The following TMC5 variants were observed in gnomAD, a reference collection of about 807,000 sequenced individuals.
TMC5 encodes transmembrane channel-like protein 5.
TMC5 carries 86 observed loss-of-function variants against 110.5 expected under a neutral mutation model. The observed-to-expected ratio is 0.78, with a 90% CI of 0.65 to 0.93. The LOEUF (loss-of-function observed/expected upper bound fraction) is 0.93, where lower values mean the gene tolerates loss of function less well. Ranked by LOEUF, TMC5 falls within the 40% of genes least tolerant of loss-of-function variation. The pLI is 0.00. For missense variants in TMC5, 1,144 were observed against 1,222.8 expected (o/e 0.94, Z 0.96); for synonymous variants, 455 against 439.5 (o/e 1.04, Z -0.44).
Position 19,498,384 on chromosome 16 carries a change from C to T in TMC5, c.*418C>T, listed in dbSNP as rs148444697. On this transcript the variant is annotated 3_prime_UTR_variant, in exon 22 of 22. Coordinates refer to ENST00000542583, the MANE Select transcript of TMC5 (RefSeq NM_001261841.2). Reference sequence around the variant, plus strand: ...AGAAAAGTGGTCCATCCTGAATAAACATGTAATACTCCAGCAGGGATATGA... The same window carrying T: ...AGAAAAGTGGTCCATCCTGAATAAATATGTAATACTCCAGCAGGGATATGA... 18 of 184,572 alleles carry T rather than the reference C, an allele frequency of 9.8e-5. No homozygotes were observed. The East Asian group carries it at 3.2e-3, about 32-fold the overall frequency. The allele number at this position is 184,572 out of a possible 1,614,324, so 11.4% of individuals were successfully genotyped here.
upstream of TMC5, among the ~76,000 whole-genome samples, chr16:19,413,222 C>G (rs966867632): frequency 6.6e-6 from 1 of 152,066 alleles, no homozygotes; most frequent in Admixed American, 6.6e-5. Context: ...ACAAATGCTG[C>G]CTTTAAGTGT....
At chr16:19,493,485 G>T (rs1186114600) in intron 19 of TMC5, among the ~76,000 whole-genome samples, 4 of 45,786 alleles carry the variant, frequency 8.7e-5, no homozygotes, top group South Asian at 8.7e-4. Flanking sequence ...TTTTGAGACA[G>T]AATCTCACTG....
At chr16:19,420,612 C>T (rs1245894216) in intron 1 of TMC5, among the ~76,000 whole-genome samples, 5 of 152,032 alleles carry the variant, frequency 3.3e-5, no homozygotes, top group Non-Finnish European at 7.4e-5. Flanking sequence ...CGGCTGCATG[C>T]CACTGTGCTC....
rs183207680 is a variant in TMC5, at chr16:19,430,148, A to G, written c.-307-265A>G. On this transcript the variant is annotated intron_variant, in intron 1 of 21. Coordinates refer to ENST00000542583, the MANE Select transcript of TMC5 (RefSeq NM_001261841.2). ...CTGGAAAATTGGATTAGGAAGAGGT[A>G]TTAGAGAGCTTCACCAGAAATGTTT... is the stretch of plus-strand genomic sequence containing the variant. 1.3e-3 allele frequency among the ~76,000 whole-genome samples: 191 copies of G among 152,342 alleles called. 2 individuals are homozygous for G. The highest frequency in any genetic ancestry group is 4.4e-3 in the African/African-American group (181 of 41,576).
At chr16:19,451,039 C>G (rs533731776) in intron 5 of TMC5, among the ~76,000 whole-genome samples, 1 of 152,148 alleles carries the variant, frequency 6.6e-6, no homozygotes, top group Non-Finnish European at 1.5e-5. Context: ...GAGACCGAGG[C>G]GGTAGGATTG....
chr16:19,434,331 A>C (rs1597165840), intron 2 of TMC5, among the ~76,000 whole-genome samples: 2 of 97,556 alleles, frequency 2.1e-5, no homozygotes, highest in Non-Finnish European at 4.4e-5. Context: ...ATAGATCTAT[A>C]TATAATATAT....
At chr16:19,476,300 C>T (rs1227143297) in intron 12 of TMC5, among the ~76,000 whole-genome samples, 2 of 151,902 alleles carry the variant, frequency 1.3e-5, no homozygotes, top group African/African-American at 4.8e-5. Flanking sequence ...TGAGCCATGA[C>T]CACACCACTG....
In TMC5 at chr16:19,440,034, C is replaced by A. The variant is rs996006543; in HGVS notation, c.-5C>A. 10 of 1,609,866 alleles carry A rather than the reference C, an allele frequency of 6.2e-6. No homozygotes were observed. The highest frequency in any genetic ancestry group is 1.7e-5 in the Admixed American group (1 of 59,838). ...ACCACTCCAGGGTGAAGAGTCCATA[C>A]CAACATGTCTGCCTACTACAGGAAT... On this transcript the variant is annotated 5_prime_UTR_variant, in exon 3 of 22. Coordinates refer to ENST00000542583, the MANE Select transcript of TMC5 (RefSeq NM_001261841.2).
intron 1 of TMC5, among the ~76,000 whole-genome samples, chr16:19,427,722 C>T (rs187478498): frequency 6.6e-6 from 1 of 152,000 alleles, no homozygotes; most frequent in East Asian, 1.9e-4. Context: ...CAGCTACCTA[C>T]TAGATGCCAA....
At chr16:19,462,509 A>G (rs1455020348) in intron 6 of TMC5, 3 of 701,904 alleles carry the variant, frequency 4.3e-6, no homozygotes, top group South Asian at 3.0e-5. Flanking sequence ...ACAGCAGGGG[A>G]GGCCTCACAA....
intron 1 of TMC5, among the ~76,000 whole-genome samples, chr16:19,422,808 C>T (rs904998519): frequency 7.2e-5 from 11 of 152,032 alleles, no homozygotes; most frequent in East Asian, 3.9e-4. Flanking sequence ...ATTAGCTGGG[C>T]GTAGTGGTGG....
chr16:19,440,561 C>G lies in TMC5; in HGVS notation c.523C>G (p.Pro175Ala), dbSNP rs201262832. The G allele has an allele frequency of 6.2e-7, 1 of 1,614,170 alleles. No homozygotes were observed. The highest frequency in any genetic ancestry group is 2.2e-5 in the East Asian group (1 of 44,886). The change falls in exon 3 of 22, where the codon CCC (proline) becomes GCC (alanine). Residue 175 changes from proline to alanine, a missense_variant. Coordinates refer to ENST00000542583, the MANE Select transcript of TMC5 (RefSeq NM_001261841.2). Reference sequence around the variant, plus strand: ...TCAGAGCAACTCTGATCATCCTGGACCCAGAGCCAATTTGAACCATCCAGG... The same window carrying G: ...TCAGAGCAACTCTGATCATCCTGGAGCCAGAGCCAATTTGAACCATCCAGG... ...GAQSNSDHPG[P>A]RANLNHPGSR...
chr16:19,416,630 C>T (rs574011032), upstream of TMC5, among the ~76,000 whole-genome samples: 77 of 152,272 alleles, frequency 5.1e-4, no homozygotes, highest in Non-Finnish European at 9.3e-4. Flanking sequence ...ACATTACAGT[C>T]TTAGAGTGCC....
At chr16:19,461,264 A>T (rs1968014392) in intron 6 of TMC5, among the ~76,000 whole-genome samples, 1 of 152,180 alleles carries the variant, frequency 6.6e-6, no homozygotes, top group Non-Finnish European at 1.5e-5. Context: ...AACTATGATA[A>T]ATAAAATCTT....
intron 2 of TMC5, among the ~76,000 whole-genome samples, chr16:19,439,204 A>G (rs1257115422): frequency 6.6e-6 from 1 of 152,236 alleles, no homozygotes; most frequent in East Asian, 1.9e-4. Flanking sequence ...GCTAAATTTG[A>G]CAAAAGTATC....
chr16:19,469,790 A>G lies in TMC5; in HGVS notation c.1747A>G (p.Lys583Glu), dbSNP rs140303599. The change falls in exon 10 of 22, where the codon AAG becomes GAG. Residue 583 changes from lysine (K) to glutamate (E), a missense_variant. By Grantham distance (56) the Lys-to-Glu change is moderately conservative. Coordinates refer to ENST00000542583, the MANE Select transcript of TMC5 (RefSeq NM_001261841.2). ...DFTVTHEKAVKLKQKNLSTEI... is the reference protein window; with the variant it reads ...DFTVTHEKAVELKQKNLSTEI... ...CACTGTCACTCATGAAAAAGCTGTG[A>G]AGCTAAAACAGAAGAATCTTAGCAC... 3 of 1,614,218 alleles carry G rather than the reference A, an allele frequency of 1.9e-6. No individual in the cohort carries two copies. The highest frequency in any genetic ancestry group is 2.5e-6 in the Non-Finnish European group (3 of 1,180,018).
Position 19,469,738 on chromosome 16 carries a change from C to G in TMC5, c.1695C>G (p.Ile565Met). 6.2e-7 allele frequency: 1 copy of G among 1,614,180 alleles called. No homozygotes were observed. The highest frequency in any genetic ancestry group is 8.5e-7 in the Non-Finnish European group (1 of 1,180,006). Residue 565 changes from isoleucine to methionine, a missense_variant, in exon 10 of 22, where the codon ATC (isoleucine) becomes ATG (methionine). Coordinates refer to ENST00000542583, the MANE Select transcript of TMC5 (RefSeq NM_001261841.2). ...FINPHIYSGG[I>M]TKLIFCWDFT... ...ATCCCCACATTTACTCCGGAGGGAT[C>G]ACCAAGCTGATCTTTTGCTGGGACT...
chr16:19,463,339 G>A lies in TMC5; in HGVS notation c.1208G>A (p.Cys403Tyr), dbSNP rs926551214. 1.2e-6 allele frequency: 2 copies of A among 1,613,960 alleles called. No homozygotes were observed. Among genetic ancestry groups the A allele is most frequent in the Non-Finnish European group, 1.7e-6 (2 of 1,179,884 alleles). The change falls in exon 7 of 22, where the codon TGT becomes TAT. Residue 403 changes from cysteine (C) to tyrosine (Y), a missense_variant. Coordinates refer to ENST00000542583, the MANE Select transcript of TMC5 (RefSeq NM_001261841.2). ...CATCGTATCCTTCAGCTCAATTGCTGTATTCAGTGTCTGAACTCCATTTCC... is the reference window on the plus strand; with the variant it reads ...CATCGTATCCTTCAGCTCAATTGCTATATTCAGTGTCTGAACTCCATTTCC... ...QTHRILQLNCCIQCLNSISRA... is the reference protein window; with the variant it reads ...QTHRILQLNCYIQCLNSISRA...
At chr16:19,486,665 AC>A (rs1292667950) in intron 15 of TMC5, among the ~76,000 whole-genome samples, 2 of 152,062 alleles carry the variant, frequency 1.3e-5, no homozygotes, top group Non-Finnish European at 2.9e-5. Flanking sequence ...GGCATAAGCC[AC>A]CGTTCCTGGC....
Sources: gnomAD v4.1 joint callset for allele counts (sites outside exome capture counted in the v4.1 genomes callset) on GRCh38, gnomAD v4.1.1 for gene constraint, MANE v1.5 for transcripts, NCBI Gene and HGNC (gene_info 2026-07-23, HGNC 2026-07-21) for gene names.